Variants in MAGI3 observed in about 807,000 individuals in gnomAD.
MAGI3 encodes the protein membrane associated guanylate kinase, WW and PDZ domain containing 3.
Under a neutral mutation model 121.8 loss-of-function variants are expected in MAGI3, and 43 were observed. The ratio of observed to expected loss-of-function variants is 0.35; its 90% CI spans 0.28 to 0.46. The LOEUF is 0.46. Among genes scored for constraint, MAGI3 ranks in the 20% least tolerant of loss-of-function variants. The pLI, the probability that MAGI3 is intolerant of heterozygous loss-of-function variation, is 1.00. For synonymous variants in MAGI3, 553 were observed against 639.3 expected, an observed-to-expected ratio of 0.86 and a Z score of 2.04; for missense variants, 1,547 against 1,797.3, an observed-to-expected ratio of 0.86 and a Z score of 2.52.
intron 1 of MAGI3, among the ~76,000 whole-genome samples, chr1:113,447,336 A>G (rs565180693): frequency 1.3e-5 from 2 of 152,316 alleles, no homozygotes; most frequent in South Asian, 4.1e-4. Flanking sequence ...AAGGGCAAAG[A>G]GAGGTCAAGG....
At chr1:113,430,159 C>G (rs374128552) in intron 1 of MAGI3, among the ~76,000 whole-genome samples, 1 of 152,070 alleles carries the variant, frequency 6.6e-6, no homozygotes, top group Non-Finnish European at 1.5e-5. Context: ...AAATACATTT[C>G]TTTTTTTCTT....
chr1:113,660,417 T>C (rs1653718853), intron 16 of MAGI3, among the ~76,000 whole-genome samples: 1 of 152,044 alleles, frequency 6.6e-6, no homozygotes, highest in African/African-American at 2.4e-5. Flanking sequence ...TACTTCTCAG[T>C]ATTCTCTCCA....
intron 9 of MAGI3, among the ~76,000 whole-genome samples, chr1:113,641,054 ATTATATATG>A (rs1652469608): frequency 1.0e-5 from 1 of 100,226 alleles, no homozygotes; most frequent in Non-Finnish European, 2.0e-5. Flanking sequence ...TATATGATAT[ATTATATATG>A]ATATATATAA....
chr1:113,576,199 C>T (rs1306375631), intron 2 of MAGI3, among the ~76,000 whole-genome samples: 2 of 152,156 alleles, frequency 1.3e-5, no homozygotes, highest in East Asian at 3.9e-4. Flanking sequence ...GGGAAGTGAA[C>T]AGTTCTGTCT....
In MAGI3 at chr1:113,391,427, C is replaced by T. The variant is rs940985765; in HGVS notation, c.316+78C>T. 2 of 1,436,568 alleles carry T rather than the reference C, an allele frequency of 1.4e-6. No individual in the cohort carries two copies. The highest frequency in any genetic ancestry group is 4.1e-5 in the Admixed American group (2 of 49,252). 89.0% of individuals were successfully genotyped at this position (1,436,568 alleles called of 1,614,324 possible). A position where few individuals can be genotyped will look rare whatever the true frequency, so the allele number is the denominator to read the frequency against. On this transcript the variant is annotated intron_variant, in intron 1 of 20. Transcript: ENST00000307546. This position sits in a 1 kb window ranked among gnomAD's most constrained non-coding sequence, Gnocchi z 4.4. ...GTGGGCGTCCTGGGAGCGGCGGCACCTCCCCACCGCGTATTGTCCCGGGTA... is the reference window on the plus strand; with the variant it reads ...GTGGGCGTCCTGGGAGCGGCGGCACTTCCCCACCGCGTATTGTCCCGGGTA...
At chr1:113,503,836 A>T (rs1418198066) in intron 1 of MAGI3, among the ~76,000 whole-genome samples, 1 of 152,012 alleles carries the variant, frequency 6.6e-6, no homozygotes, top group African/African-American at 2.4e-5. Context: ...TGGAAAATGG[A>T]ATGGTAAGGT....
chr1:113,629,757 T>TCTCCCTCCCTCTCC (rs1416449345), intron 9 of MAGI3, among the ~76,000 whole-genome samples: 1 of 95,694 alleles, frequency 1.0e-5, no homozygotes, highest in Non-Finnish European at 2.0e-5. Context: ...TCTCTCTCTC[T>TCTCCCTCCCTCTCC]CTCTCCCTCC....
intron 1 of MAGI3, among the ~76,000 whole-genome samples, chr1:113,395,825 C>A (rs916255317): frequency 2.0e-5 from 3 of 151,874 alleles, no homozygotes; most frequent in African/African-American, 7.3e-5. Flanking sequence ...TTTAATAATT[C>A]TTTAATTTCT....
At chr1:113,593,919 G>T (rs115591763) in intron 5 of MAGI3, among the ~76,000 whole-genome samples, 3,495 of 152,206 alleles carry the variant, frequency 0.023, 141 homozygotes, top group African/African-American at 0.079. Flanking sequence ...GTTTTTACTT[G>T]CATGTGGCAG....
intron 1 of MAGI3, among the ~76,000 whole-genome samples, chr1:113,428,037 A>G (rs1653101089): frequency 6.6e-6 from 1 of 152,004 alleles, no homozygotes; most frequent in Non-Finnish European, 1.5e-5. Context: ...CCCATTCCTC[A>G]TATTCTCCAT....
At chr1:113,581,773 C>T (rs904283959) in intron 3 of MAGI3, among the ~76,000 whole-genome samples, 1 of 152,150 alleles carries the variant, frequency 6.6e-6, no homozygotes, top group Non-Finnish European at 1.5e-5. Context: ...AACCTAACTA[C>T]CTTTTCTGGG....
rs1041761795 is a variant in MAGI3, at chr1:113,422,979, G to A, written c.316+31630G>A. The stretch of plus-strand genomic sequence containing the variant: ...TGAGGTCTGGGCCCCCAGAAGGGTT[G>A]CCACCCTTCACTTCTGCAGTCTGAG... On this transcript the variant is annotated intron_variant, in intron 1 of 20. Transcript: ENST00000307546. The surrounding 1 kb of genome is among the most constrained non-coding windows in gnomAD (Gnocchi z 4.3). Among the ~76,000 whole-genome samples, 5 of 152,128 alleles carry A rather than the reference G, an allele frequency of 3.3e-5. No homozygotes were observed. In the South Asian group the frequency reaches 1.0e-3, roughly 31 times the overall value.
Position 113,622,886 on chromosome 1 carries a change from A to G in MAGI3, c.1252A>G (p.Met418Val), listed in dbSNP as rs778592316. ...TCGAGCATCACTGAAAAAAAGCACAATGGGATTTGGTTTTACTATTATTGG... is the reference window on the plus strand; with the variant it reads ...TCGAGCATCACTGAAAAAAAGCACAGTGGGATTTGGTTTTACTATTATTGG... ...LVRASLKKST[M>V]GFGFTIIGGD... The change falls in exon 9 of 21, where the codon ATG becomes GTG. Residue 418 changes from methionine (M) to valine (V), a missense_variant. By Grantham distance (21) the Met-to-Val change is conservative. Transcript: ENST00000307546. The G allele has an allele frequency of 1.3e-5, 21 of 1,604,316 alleles. No homozygotes were observed. Among genetic ancestry groups the G allele is most frequent in the African/African-American group, 6.7e-5 (5 of 74,228 alleles).
rs1160481514 is a variant in MAGI3, at chr1:113,422,158, A to C, written c.316+30809A>C. 3.3e-5 allele frequency among the ~76,000 whole-genome samples: 5 copies of C among 152,246 alleles called. No homozygotes were observed. Among genetic ancestry groups the C allele is most frequent in the African/African-American group, 1.2e-4 (5 of 41,462 alleles). On this transcript the variant is annotated intron_variant, in intron 1 of 20. Coordinates refer to ENST00000307546, the MANE Select transcript of MAGI3 (RefSeq NM_001142782.2). The surrounding 1 kb of genome is among the most constrained non-coding windows in gnomAD (Gnocchi z 4.3). ...CTAACTAAATTCACATGTAGTTATA[A>C]GAAATAATAGAGATCTTGTATACCT...
At chr1:113,622,772 T>C (rs377687027) in intron 8 of MAGI3, 34 bp from the exon 9 acceptor site, 497 of 1,510,184 alleles carry the variant, frequency 3.3e-4, no homozygotes, top group Non-Finnish European at 4.2e-4. Flanking sequence ...TGTAATTATT[T>C]TTGTTCTCAA....
At chr1:113,458,223 A>C (rs1654851268) in intron 1 of MAGI3, among the ~76,000 whole-genome samples, 1 of 152,226 alleles carries the variant, frequency 6.6e-6, no homozygotes, top group African/African-American at 2.4e-5. Flanking sequence ...GCTTGGGTCC[A>C]GGTGGGTGCA....
chr1:113,466,277 AATT>A (rs1557771774), intron 1 of MAGI3, among the ~76,000 whole-genome samples: 1 of 151,866 alleles, frequency 6.6e-6, no homozygotes, highest in Non-Finnish European at 1.5e-5. Flanking sequence ...TGGTTCTGTT[AATT>A]ATCGCATTTA....
chr1:113,607,356 A>G (rs996550571), intron 6 of MAGI3, among the ~76,000 whole-genome samples: 4 of 152,162 alleles, frequency 2.6e-5, no homozygotes, highest in South Asian at 2.1e-4. Context: ...TTTTTCAAGG[A>G]CACTGTGAAA....
intron 6 of MAGI3, among the ~76,000 whole-genome samples, chr1:113,607,851 T>A (rs1421688579): frequency 6.6e-6 from 1 of 152,216 alleles, no homozygotes; most frequent in Admixed American, 6.5e-5. Flanking sequence ...AGATTTTTTA[T>A]AATTGAATCA....
Sources: allele counts gnomAD v4.1 joint callset (sites outside exome capture counted in the v4.1 genomes callset), GRCh38; gene constraint gnomAD v4.1.1; non-coding constraint Gnocchi (gnomAD v3.1); transcripts MANE v1.5; gene names NCBI Gene and HGNC (gene_info 2026-07-23, HGNC 2026-07-21).